Variants in KIF15 observed in about 807,000 individuals in gnomAD.
KIF15 encodes kinesin family member 15.
A neutral mutation model predicts 190.6 loss-of-function variants in KIF15; 140 were observed. That is an observed-to-expected ratio of 0.73 (90% CI 0.64 to 0.84). KIF15 has a LOEUF of 0.84. Ranked by LOEUF, KIF15 falls within the 40% of genes least tolerant of loss-of-function variation. KIF15 has a pLI of 0.00. For synonymous variants in KIF15, 528 were observed against 551.3 expected (o/e 0.96, Z 0.59); for missense variants, 1,372 against 1,584.4 (o/e 0.87, Z 2.28).
intron 8 of KIF15, among the ~76,000 whole-genome samples, chr3:44,795,062 G>A (rs1237495308): frequency 6.6e-6 from 1 of 152,166 alleles, no homozygotes; most frequent in Non-Finnish European, 1.5e-5. Context: ...TATTGAAAAG[G>A]AACAGAGATT....
At chr3:44,825,291 A>G (rs993488049) in intron 20 of KIF15, among the ~76,000 whole-genome samples, 1 of 152,146 alleles carries the variant, frequency 6.6e-6, no homozygotes, top group African/African-American at 2.4e-5. Context: ...CCCCTTCCCT[A>G]CCATCTATTG....
chr3:44,791,599 G>A (rs1274256012), intron 7 of KIF15, among the ~76,000 whole-genome samples: 1 of 152,070 alleles, frequency 6.6e-6, no homozygotes, highest in Admixed American at 6.6e-5. Flanking sequence ...ACACTCACCA[G>A]GTATTTTTGT....
At chr3:44,772,804 G>C (rs540182788) in intron 1 of KIF15, among the ~76,000 whole-genome samples, 1 of 152,298 alleles carries the variant, frequency 6.6e-6, no homozygotes, top group South Asian at 2.1e-4. Context: ...ATTGAATCCA[G>C]GCCACCATTG....
rs777079487 is a variant in KIF15, at chr3:44,802,877, A to G, written c.1573A>G (p.Arg525Gly). The G allele has an allele frequency of 1.9e-6, 3 of 1,611,932 alleles. No homozygotes were observed. The highest frequency in any genetic ancestry group is 3.4e-5 in the Admixed American group (2 of 59,226). Reference protein sequence around the residue: ...MENHSLREENRRLRLLEPVKR... With the variant: ...MENHSLREENGRLRLLEPVKR... ...AAATCATTCCCTCAGGGAGGAGAAT[A>G]GAAGACTGAGATTATTAGAGCCTGT... Residue 525 changes from arginine (R) to glycine (G), a missense_variant, in exon 14 of 35, where the codon AGA becomes GGA. By Grantham distance (125) the Arg-to-Gly change is moderately radical. Coordinates refer to ENST00000326047, the MANE Select transcript of KIF15 (RefSeq NM_020242.3).
chr3:44,834,619 A>G (rs1353502315), intron 26 of KIF15, among the ~76,000 whole-genome samples: 1 of 152,188 alleles, frequency 6.6e-6, no homozygotes, highest in Non-Finnish European at 1.5e-5. Flanking sequence ...ATTGAATATT[A>G]AAGAAAGAAT....
chr3:44,775,648 G>T (rs1349833333), intron 3 of KIF15, among the ~76,000 whole-genome samples: 1 of 151,676 alleles, frequency 6.6e-6, no homozygotes, highest in Non-Finnish European at 1.5e-5. Context: ...TAGAGATGGG[G>T]TTTCACCATG....
intron 16 of KIF15, among the ~76,000 whole-genome samples, chr3:44,806,706 G>A (rs1707517979): frequency 6.6e-6 from 1 of 152,092 alleles, no homozygotes; most frequent in Non-Finnish European, 1.5e-5. Context: ...GATTGCTTGA[G>A]CCCAGGAATT....
At chr3:44,851,638 GTCT>G (rs1699060712) in intron 32 of KIF15, 146 bp from the exon 33 acceptor site, 1 of 564,486 alleles carries the variant, frequency 1.8e-6, no homozygotes, top group Non-Finnish European at 3.1e-6. Context: ...AGCACTTACT[GTCT>G]TCTTTTGCCA....
chr3:44,845,723 T>C (rs1038993932), intron 30 of KIF15, among the ~76,000 whole-genome samples: 2 of 151,776 alleles, frequency 1.3e-5, no homozygotes, highest in African/African-American at 4.9e-5. Context: ...TCACAAGAAA[T>C]TCCTGCAGGT....
intron 20 of KIF15, among the ~76,000 whole-genome samples, chr3:44,819,354 T>C (rs1708161974): frequency 6.6e-6 from 1 of 152,248 alleles, no homozygotes; most frequent in South Asian, 2.1e-4. Flanking sequence ...CGATTTTAGA[T>C]CTTTCCTGCT....
At chr3:44,773,312 G>T (rs1705723571) in intron 1 of KIF15, among the ~76,000 whole-genome samples, 1 of 152,168 alleles carries the variant, frequency 6.6e-6, no homozygotes, top group African/African-American at 2.4e-5. Flanking sequence ...TTCTTCCCTG[G>T]GGCTTGAACC....
intron 23 of KIF15, 65 bp from the exon 24 acceptor site, chr3:44,828,149 A>G: frequency 1.8e-6 from 2 of 1,107,434 alleles, no homozygotes; most frequent in Non-Finnish European, 2.7e-6. Flanking sequence ...CAACTTGTTT[A>G]TCTGTGTGTA....
At chr3:44,847,467 C>T (rs866343086) in intron 30 of KIF15, among the ~76,000 whole-genome samples, 1 of 152,126 alleles carries the variant, frequency 6.6e-6, no homozygotes, top group Non-Finnish European at 1.5e-5. Flanking sequence ...GGACATCTGG[C>T]CCTGGTGTCC....
intron 26 of KIF15, among the ~76,000 whole-genome samples, chr3:44,837,519 A>T (rs1698379204): frequency 6.6e-6 from 1 of 152,026 alleles, no homozygotes; most frequent in Non-Finnish European, 1.5e-5. Flanking sequence ...TGATGTGTCA[A>T]GTTTTTTTAA....
At chr3:44,845,828 A>G (rs1400343111) in intron 30 of KIF15, among the ~76,000 whole-genome samples, 1 of 152,200 alleles carries the variant, frequency 6.6e-6, no homozygotes, top group Admixed American at 6.5e-5. Context: ...CAGCACCAGG[A>G]CAGTTACTCA....
Position 44,848,039 on chromosome 3 carries a change from CAAAG to C in KIF15, c.3756_3759del (p.Glu1252AspfsTer7), listed in dbSNP as rs1204121972. The C allele has an allele frequency of 5.0e-6, 8 of 1,607,588 alleles. No homozygotes were observed. In the Admixed American group the frequency reaches 6.7e-5, roughly 13 times the overall value. Reference sequence around the variant, plus strand: ...TGAAGAATGAACAAGAAGAAAGTATCAAAGAAAGACTTGCAAAAGTAAGATTTTT... The same window carrying C: ...TGAAGAATGAACAAGAAGAAAGTATCAAAGACTTGCAAAAGTAAGATTTTT... On this transcript the variant is annotated frameshift_variant, in exon 31 of 35. Transcript: ENST00000326047. LOFTEE classifies it high-confidence loss of function.
intron 1 of KIF15, among the ~76,000 whole-genome samples, chr3:44,771,927 T>G (rs758823835): frequency 2.0e-5 from 3 of 152,236 alleles, no homozygotes; most frequent in Non-Finnish European, 2.9e-5. Context: ...TAGGCAAAAA[T>G]GTACATTTTG....
At chr3:44,782,325 G>T (rs932241391) in intron 5 of KIF15, among the ~76,000 whole-genome samples, 1 of 152,186 alleles carries the variant, frequency 6.6e-6, no homozygotes, top group Admixed American at 6.5e-5. Flanking sequence ...GCCTCCCAAA[G>T]TGCTGGGATT....
intron 19 of KIF15, among the ~76,000 whole-genome samples, chr3:44,814,182 GA>G (rs1707926618): frequency 6.6e-6 from 1 of 152,190 alleles, no homozygotes. Context: ...AGTTGTCTTA[GA>G]AGACCTGAAG....
Sources: gnomAD v4.1 joint callset for allele counts (sites outside exome capture counted in the v4.1 genomes callset) on GRCh38, gnomAD v4.1.1 for gene constraint, MANE v1.5 for transcripts, NCBI Gene and HGNC (gene_info 2026-07-23, HGNC 2026-07-21) for gene names.